PMM2: variants seen among roughly 807,000 people sequenced by gnomAD.
The protein encoded by PMM2 is mannose-6-phosphate isomerase.
In PMM2, 35 loss-of-function variants were observed where a neutral mutation model predicts 33.2. The ratio of observed to expected loss-of-function variants is 1.06; its 90% CI spans 0.81 to 1.40. PMM2 has a LOEUF of 1.40. Among genes scored for constraint, PMM2 ranks in the 40% most tolerant of loss-of-function variants. The pLI is 0.00. For synonymous variants in PMM2, 153 were observed against 114.7 expected (o/e 1.33, Z -2.13); for missense variants, 386 against 306.0 (o/e 1.26, Z -1.95).
chr16:8,839,677 T>C (rs2060876291), intron 7 of PMM2, among the ~76,000 whole-genome samples: 2 of 151,928 alleles, frequency 1.3e-5, no homozygotes, highest in African/African-American at 4.8e-5. Flanking sequence ...ATAGCGGGCT[T>C]GTCTGTAATA....
At chr16:8,842,012 G>A (rs1229996373) in intron 7 of PMM2, among the ~76,000 whole-genome samples, 227 of 130,712 alleles carry the variant, frequency 1.7e-3, no homozygotes, top group Middle Eastern at 7.6e-3. Flanking sequence ...GGCAGCCGCT[G>A]CACGCAGACA....
rs1041856275 is a variant in PMM2, at chr16:8,810,974, C to T, written c.348-105C>T. ...ACAGAGCTGAGAAACATTGACCACA[C>T]TAGCCTCTGCTTTTTAGAATTTCCC... On this transcript the variant is annotated intron_variant, in intron 4 of 7. Coordinates refer to ENST00000268261, the MANE Select transcript of PMM2 (RefSeq NM_000303.3). The T allele has an allele frequency of 1.1e-5, 8 of 735,680 alleles. No homozygotes were observed. The South Asian group carries it at 1.2e-4, about 11-fold the overall frequency. The allele number at this position is 735,680 out of a possible 1,614,324, so 45.6% of individuals were successfully genotyped here.
intron 7 of PMM2, 165 bp from the exon 8 acceptor site, chr16:8,847,559 T>C (rs1212266203): frequency 1.2e-5 from 8 of 648,730 alleles, no homozygotes; most frequent in South Asian, 5.1e-5. Flanking sequence ...TTAATAACAA[T>C]TGTACTCACG....
rs570954701 is a variant in PMM2, at chr16:8,836,460, A to G, written c.640-11264A>G. 1.5e-3 allele frequency among the ~76,000 whole-genome samples: 233 copies of G among 152,138 alleles called. 1 individual carries two copies. Among genetic ancestry groups the G allele is most frequent in the Middle Eastern group, 6.8e-3 (2 of 294 alleles). ...GGGCATTCCTTGGCCCAGTGGCCAG[A>G]TTTCCAGCACGTGTAGCAAGCTCCT... On this transcript the variant is annotated intron_variant, in intron 7 of 7. Coordinates refer to ENST00000268261, the MANE Select transcript of PMM2 (RefSeq NM_000303.3).
chr16:8,849,298 AGTAGC>A lies in PMM2; in HGVS notation c.*1474_*1478del, dbSNP rs2060950661. On this transcript the variant is annotated 3_prime_UTR_variant, in exon 8 of 8. Transcript: ENST00000268261. Reference sequence around the variant, plus strand: ...ACTGTAATGACCTTCCAAAGTGAAGAGTAGCACATTAAAGTGATTTTATTGTTTCC... The same window carrying A: ...ACTGTAATGACCTTCCAAAGTGAAGAACATTAAAGTGATTTTATTGTTTCC... The A allele has an allele frequency of 6.6e-6, 1 of 152,288 alleles. No individual in the cohort carries two copies. The highest frequency in any genetic ancestry group is 1.5e-5 in the Non-Finnish European group (1 of 68,058). 9.4% of individuals were successfully genotyped at this position (152,288 alleles called of 1,614,324 possible).
At chr16:8,837,599 T>C (rs1818978963) in intron 7 of PMM2, among the ~76,000 whole-genome samples, 1 of 151,046 alleles carries the variant, frequency 6.6e-6, no homozygotes, top group South Asian at 2.1e-4. Flanking sequence ...GGCACAGAGA[T>C]ATAAGAGATT....
chr16:8,822,184 T>C (rs905740564), intron 7 of PMM2, among the ~76,000 whole-genome samples: 1 of 152,050 alleles, frequency 6.6e-6, no homozygotes, highest in Non-Finnish European at 1.5e-5. Flanking sequence ...GGAGATGAAA[T>C]CATAGGGGGT....
chr16:8,807,189 T>G (rs1224099385), intron 4 of PMM2, among the ~76,000 whole-genome samples: 2 of 150,026 alleles, frequency 1.3e-5, no homozygotes, highest in African/African-American at 4.9e-5. Flanking sequence ...GTATTTTTAG[T>G]AGAGATGGCA....
chr16:8,843,469 T>G (rs932165496), intron 7 of PMM2, among the ~76,000 whole-genome samples: 3 of 151,544 alleles, frequency 2.0e-5, no homozygotes, highest in African/African-American at 4.9e-5. Context: ...CCCGCACAGA[T>G]GGGACACGGC....
At chr16:8,810,314 C>T (rs558076891) in intron 4 of PMM2, 2 of 152,280 alleles carry the variant, frequency 1.3e-5, no homozygotes, top group African/African-American at 4.8e-5. Flanking sequence ...TCAGAAGCTC[C>T]GTAGCAAAAT....
intron 7 of PMM2, among the ~76,000 whole-genome samples, chr16:8,826,930 C>A (rs1388568052): frequency 6.6e-6 from 1 of 152,082 alleles, no homozygotes; most frequent in Non-Finnish European, 1.5e-5. Context: ...CAAGAATTTA[C>A]CATACAAGAT....
In PMM2 at chr16:8,848,639, G is replaced by C. The variant is rs966887499; in HGVS notation, c.*814G>C. ...TTGCCCTGGGGCCGGTTCTTACCCA[G>C]GTCCAGAGAAACCAACGCGGGATGT... On this transcript the variant is annotated 3_prime_UTR_variant, in exon 8 of 8. Coordinates refer to ENST00000268261, the MANE Select transcript of PMM2 (RefSeq NM_000303.3). 1 of 152,248 alleles carries C rather than the reference G, an allele frequency of 6.6e-6. No individual in the cohort carries two copies. The highest frequency in any genetic ancestry group is 2.4e-5 in the African/African-American group (1 of 41,470). The allele number at this position is 152,248 out of a possible 1,614,324, so 9.4% of individuals were successfully genotyped here. A position where few individuals can be genotyped will look rare whatever the true frequency, so the allele number is the denominator to read the frequency against.
In PMM2 at chr16:8,847,725, G is replaced by C. The variant is rs754026229; in HGVS notation, c.641G>C (p.Gly214Ala). ...IYFFGDKTMP[G>A]GNDHEIFTDP... ...CATCTGTACTTCGTGTCTTTCCAGG[G>C]TGGCAATGACCATGAGATCTTCACA... The change falls in exon 8 of 8, where the codon GGT becomes GCT. Residue 214 changes from glycine (G) to alanine (A), a missense_variant and splice_region_variant. Coordinates refer to ENST00000268261, the MANE Select transcript of PMM2 (RefSeq NM_000303.3). 1 of 1,611,278 alleles carries C rather than the reference G, an allele frequency of 6.2e-7. No homozygotes were observed. The highest frequency in any genetic ancestry group is 8.5e-7 in the Non-Finnish European group (1 of 1,177,578).
chr16:8,814,287 C>A (rs562675354), intron 7 of PMM2, among the ~76,000 whole-genome samples: 2 of 152,164 alleles, frequency 1.3e-5, no homozygotes, highest in Non-Finnish European at 2.9e-5. Flanking sequence ...AGCCCCATCA[C>A]CTTTTCAGTT....
At position 8,838,349 on chromosome 16, in the gene PMM2, C is replaced by T. The variant is rs558122193; in HGVS notation, c.640-9375C>T. 1.7e-3 allele frequency among the ~76,000 whole-genome samples: 259 copies of T among 152,146 alleles called. 2 individuals are homozygous for T. Among genetic ancestry groups the T allele is most frequent in the Middle Eastern group, 6.8e-3 (2 of 294 alleles). ...TTACTTCAGGCCATCTGGATGTATA[C>T]GTGCAAGTCATAGGGGATGCGATGG... On this transcript the variant is annotated intron_variant, in intron 7 of 7. Coordinates refer to ENST00000268261, the MANE Select transcript of PMM2 (RefSeq NM_000303.3).
intron 4 of PMM2, 24 bp downstream of exon 4, chr16:8,806,431 G>A (rs767049053): frequency 7.0e-6 from 10 of 1,437,686 alleles, no homozygotes; most frequent in African/African-American, 1.4e-5. Flanking sequence ...TAACAAAGAG[G>A]CGTCACAGGA....
intron 7 of PMM2, chr16:8,832,577 CA>C: frequency 1.0e-6 from 1 of 985,332 alleles, no homozygotes; most frequent in Non-Finnish European, 1.2e-6. Context: ...CTTTTTGCTT[CA>C]GGGGTCTCTT....
Position 8,810,829 on chromosome 16 carries a change from A to T in PMM2, c.348-250A>T, listed in dbSNP as rs1596488600. 1.1e-5 allele frequency: 6 copies of T among 541,728 alleles called. No individual in the cohort carries two copies. In the East Asian group the frequency reaches 2.0e-4, roughly 18 times the overall value. The allele number at this position is 541,728 out of a possible 1,614,324, so 33.6% of individuals were successfully genotyped here. Reference sequence around the variant, plus strand: ...TTTTAACACAAAGTCAATATACAACATGATTGATGCAATTACATTCCTTTT... The same window carrying T: ...TTTTAACACAAAGTCAATATACAACTTGATTGATGCAATTACATTCCTTTT... On this transcript the variant is annotated intron_variant, in intron 4 of 7. Transcript: ENST00000268261.
intron 7 of PMM2, among the ~76,000 whole-genome samples, chr16:8,844,695 T>G (rs2060913481): frequency 6.6e-6 from 1 of 152,194 alleles, no homozygotes; most frequent in Admixed American, 6.5e-5. Context: ...GAAGGCTGCC[T>G]TCCCAGTCCG....
Sources: gnomAD v4.1 joint callset for allele counts (sites outside exome capture counted in the v4.1 genomes callset) on GRCh38, gnomAD v4.1.1 for gene constraint, MANE v1.5 for transcripts, NCBI Gene and HGNC (gene_info 2026-07-23, HGNC 2026-07-21) for gene names.